The following SLAMF8 variants were observed in gnomAD, a reference collection of about 807,000 sequenced individuals.
The protein encoded by SLAMF8 is SLAM family member 8.
A neutral mutation model predicts 29.0 loss-of-function variants in SLAMF8; 23 were observed. That is an observed-to-expected ratio of 0.79 (90% CI 0.57 to 1.13). The LOEUF is 1.13. SLAMF8 is among the 50% of genes most tolerant of loss of function. The probability of loss-of-function intolerance (pLI) is 0.00; values close to 1 mark genes in which losing one functional copy is unlikely to be tolerated. For missense variants in SLAMF8, 381 were observed against 353.1 expected (o/e 1.08, Z -0.63); for synonymous variants, 139 against 145.6 (o/e 0.96, Z 0.32).
At chr1:159,828,714 C>T (rs781005640) in intron 1 of SLAMF8, among the ~76,000 whole-genome samples, 4 of 152,096 alleles carry the variant, frequency 2.6e-5, no homozygotes, top group African/African-American at 9.7e-5. Context: ...AGCATGGTGG[C>T]CCCAGGCCAC....
At chr1:159,830,711 TA>T (rs760622485) in intron 2 of SLAMF8, among the ~76,000 whole-genome samples, 84 of 152,294 alleles carry the variant, frequency 5.5e-4, no homozygotes, top group Non-Finnish European at 5.4e-4. Flanking sequence ...AACTATGACA[TA>T]ATGGGTTTAT....
chr1:159,830,154 G>C lies in SLAMF8; in HGVS notation c.329G>C (p.Gly110Ala). 1 of 1,612,912 alleles carries C rather than the reference G, an allele frequency of 6.2e-7. No individual in the cohort carries two copies. Among genetic ancestry groups the C allele is most frequent in the Non-Finnish European group, 8.5e-7 (1 of 1,179,226 alleles). ...TCCGTGTTGATGGTGGACACAAGGG[G>C]CCAGCCCTGGACCCAGACCCTCCAG... The part of the protein sequence containing the change: ...NFSVLMVDTR[G>A]QPWTQTLQLK... Residue 110 changes from glycine (G) to alanine (A), a missense_variant, in exon 2 of 5, where the codon GGC (glycine) becomes GCC (alanine). Transcript: ENST00000289707.
chr1:159,827,836 C>CTT (rs912058942), intron 1 of SLAMF8, among the ~76,000 whole-genome samples: 1 of 146,024 alleles, frequency 6.8e-6, no homozygotes. Flanking sequence ...AATAATTTGC[C>CTT]TTTTTTTTTT....
At chr1:159,827,531 G>T (rs541555131) in intron 1 of SLAMF8, among the ~76,000 whole-genome samples, 1 of 152,168 alleles carries the variant, frequency 6.6e-6, no homozygotes, top group Non-Finnish European at 1.5e-5. Flanking sequence ...CACACCGGGC[G>T]ATCCCTCTAT....
Position 159,829,870 on chromosome 1 carries a change from A to C in SLAMF8, c.45A>C (p.Leu15=). 1 of 1,604,142 alleles carries C rather than the reference A, an allele frequency of 6.2e-7. No homozygotes were observed. Among genetic ancestry groups the C allele is most frequent in the Non-Finnish European group, 8.5e-7 (1 of 1,174,190 alleles). ...CCAGGGGCTCTGTTCTTTCAGCCCT[A>C]CTTCCCATTACAGTTACTGGTGCCC... The part of the protein sequence containing the change: ...PLWSLLLWEA[L]LPITVTGAQV... Residue 15 remains leucine, a synonymous_variant, in exon 2 of 5, where the codon CTA becomes CTC. Coordinates refer to ENST00000289707, the MANE Select transcript of SLAMF8 (RefSeq NM_020125.3).
At chr1:159,830,788 T>G (rs912573744) in intron 2 of SLAMF8, among the ~76,000 whole-genome samples, 1 of 152,206 alleles carries the variant, frequency 6.6e-6, no homozygotes, top group African/African-American at 2.4e-5. Flanking sequence ...TTAAAAGGGC[T>G]TCTTAGAGAG....
At chr1:159,834,205 A>G (rs1484733182) in intron 4 of SLAMF8, among the ~76,000 whole-genome samples, 1 of 152,196 alleles carries the variant, frequency 6.6e-6, no homozygotes, top group Non-Finnish European at 1.5e-5. Flanking sequence ...AGGTGGAGAA[A>G]GGGAGTCAGC....
At position 159,837,310 on chromosome 1, in the gene SLAMF8, G is replaced by A. The variant is rs1451132137; in HGVS notation, c.*2050G>A. 1 of 985,306 alleles carries A rather than the reference G, an allele frequency of 1.0e-6. No individual in the cohort carries two copies. The highest frequency in any genetic ancestry group is 1.7e-5 in the African/African-American group (1 of 57,226). 61.0% of individuals were successfully genotyped at this position (985,306 alleles called of 1,614,324 possible). ...CCAAAAAAACACAAAGTGCTTCTGT[G>A]AGACCAATTTTGTGCTAATGAGCAT... is the stretch of plus-strand genomic sequence containing the variant. On this transcript the variant is annotated 3_prime_UTR_variant, in exon 5 of 5. Transcript: ENST00000289707.
At position 159,830,121 on chromosome 1, in the gene SLAMF8, G is replaced by T. The variant is rs541913106; in HGVS notation, c.296G>T (p.Gly99Val). 2 of 1,614,166 alleles carry T rather than the reference G, an allele frequency of 1.2e-6. No homozygotes were observed. Among genetic ancestry groups the T allele is most frequent in the Admixed American group, 3.3e-5 (2 of 60,034 alleles). The change falls in exon 2 of 5, where the codon GGC (glycine) becomes GTC (valine). Residue 99 changes from glycine to valine, a missense_variant. Coordinates refer to ENST00000289707, the MANE Select transcript of SLAMF8 (RefSeq NM_020125.3). Reference sequence around the variant, plus strand: ...GGGCCGCTGGAGTCTGGAGACAGCGGCAACTTCTCCGTGTTGATGGTGGAC... The same window carrying T: ...GGGCCGCTGGAGTCTGGAGACAGCGTCAACTTCTCCGTGTTGATGGTGGAC... ...ELGPLESGDS[G>V]NFSVLMVDTR...
chr1:159,833,458 A>C (rs1647654460), intron 4 of SLAMF8, 89 bp downstream of exon 4: 1 of 1,586,736 alleles, frequency 6.3e-7, no homozygotes, highest in African/African-American at 1.3e-5. Context: ...TTTAGGCTTC[A>C]GATGGTCTGC....
intron 4 of SLAMF8, 114 bp downstream of exon 4, chr1:159,833,483 C>A: frequency 6.9e-7 from 1 of 1,449,678 alleles, no homozygotes; most frequent in Admixed American, 1.9e-5. Flanking sequence ...TCCTACCTCT[C>A]CCACCTCATC....
chr1:159,833,969 C>CA (rs1647695838), intron 4 of SLAMF8, among the ~76,000 whole-genome samples: 1 of 152,198 alleles, frequency 6.6e-6, no homozygotes, highest in African/African-American at 2.4e-5. Flanking sequence ...GAGATTTCTA[C>CA]AAAATGGCTC....
intron 1 of SLAMF8, among the ~76,000 whole-genome samples, 184 bp downstream of exon 1, chr1:159,827,122 G>A (rs1663670890): frequency 6.6e-6 from 1 of 152,214 alleles, no homozygotes; most frequent in Non-Finnish European, 1.5e-5. Flanking sequence ...AAGAGATGCA[G>A]GGTCCTGGGA....
At position 159,826,917 on chromosome 1, in the gene SLAMF8, T is replaced by G. The variant is rs1273873070; in HGVS notation, c.19T>G (p.Trp7Gly). The change falls in exon 1 of 5, where the codon TGG becomes GGG. Residue 7 changes from tryptophan to glycine, a missense_variant. Physicochemically the swap from Trp to Gly is radical, Grantham distance 184 (BLOSUM62 -2). Transcript: ENST00000289707. Reference protein sequence around the residue: MVMRPLWSLLLWEALLP... With the variant: MVMRPLGSLLLWEALLP... ...GAGAAAGATGGTCATGAGGCCCCTG[T>G]GGAGTCTGCTTCTCTGGGAAGGTAA... 3.1e-6 allele frequency: 5 copies of G among 1,613,996 alleles called. No homozygotes were observed. The African/African-American group carries it at 6.7e-5, about 22-fold the overall frequency.
chr1:159,832,373 C>T (rs1647546771), intron 2 of SLAMF8, among the ~76,000 whole-genome samples: 1 of 152,206 alleles, frequency 6.6e-6, no homozygotes, highest in Non-Finnish European at 1.5e-5. Context: ...CTTGTCATCT[C>T]TTGTTGACTG....
At position 159,826,953 on chromosome 1, in the gene SLAMF8, C is replaced by T; in HGVS notation, c.40+15C>T. ...TCTCTGGGAAGGTAAGTGGGGCAGG[C>T]AGATAGCCTGTCCTCGGAGAGCTGA... On this transcript the variant is annotated intron_variant, in intron 1 of 4. Coordinates refer to ENST00000289707, the MANE Select transcript of SLAMF8 (RefSeq NM_020125.3). The T allele has an allele frequency of 6.2e-7, 1 of 1,614,042 alleles. No homozygotes were observed. Among genetic ancestry groups the T allele is most frequent in the Non-Finnish European group, 8.5e-7 (1 of 1,180,000 alleles).
chr1:159,831,727 C>T (rs897293496), intron 2 of SLAMF8, among the ~76,000 whole-genome samples: 2 of 152,166 alleles, frequency 1.3e-5, no homozygotes, highest in South Asian at 2.1e-4. Context: ...ACTAATTGCA[C>T]GAAGCTGCCA....
intron 1 of SLAMF8, among the ~76,000 whole-genome samples, chr1:159,828,323 T>A (rs996665762): frequency 2.0e-5 from 3 of 152,080 alleles, no homozygotes; most frequent in African/African-American, 7.2e-5. Flanking sequence ...CCAGTGCAAT[T>A]CTCTTTGTGT....
In SLAMF8 at chr1:159,827,836, CT is replaced by C. The variant is rs912058942; in HGVS notation, c.40+910del. ...GTTTGGTGAGACAAAAATAATTTGC[CT>C]TTTTTTTTTTTCTTTGAGACGGAGT... On this transcript the variant is annotated intron_variant, in intron 1 of 4. Coordinates refer to ENST00000289707, the MANE Select transcript of SLAMF8 (RefSeq NM_020125.3). Among the ~76,000 whole-genome samples the C allele has an allele frequency of 1.2e-3, 177 of 145,802 alleles. No homozygotes were observed. The East Asian group carries it at 0.012, about 10-fold the overall frequency.
Sources: gnomAD v4.1 joint callset for allele counts (sites outside exome capture counted in the v4.1 genomes callset) on GRCh38, gnomAD v4.1.1 for gene constraint, MANE v1.5 for transcripts, NCBI Gene and HGNC (gene_info 2026-07-23, HGNC 2026-07-21) for gene names.